DNAH14: variants seen among roughly 807,000 people sequenced by gnomAD.
DNAH14 encodes the protein dynein axonemal heavy chain 14, also known as axonemal beta dynein heavy chain 14.
In DNAH14, 478 loss-of-function variants were observed where a neutral mutation model predicts 520.9. That is an observed-to-expected ratio of 0.92 (90% CI 0.85 to 0.99). The LOEUF (loss-of-function observed/expected upper bound fraction) is 0.99. Among genes scored for constraint, DNAH14 ranks in the 50% least tolerant of loss-of-function variants. The probability of loss-of-function intolerance (pLI) is 0.00; values close to 1 mark genes in which losing one functional copy is unlikely to be tolerated. For missense variants in DNAH14, 4,831 were observed against 5,234.5 expected (o/e 0.92, Z 2.38); for synonymous variants, 1,581 against 1,757.2 (o/e 0.90, Z 2.51).
At position 225,097,230 on chromosome 1, in the gene DNAH14, A is replaced by G. The variant is rs1181167740; in HGVS notation, c.3686A>G (p.Glu1229Gly). The G allele has an allele frequency of 6.5e-6, 10 of 1,550,010 alleles. No individual in the cohort carries two copies. The highest frequency in any genetic ancestry group is 1.4e-5 in the African/African-American group (1 of 73,000). Residue 1229 changes from glutamate to glycine, a missense_variant, in exon 22 of 86, where the codon GAA becomes GGA. Coordinates refer to ENST00000682510, the MANE Select transcript of DNAH14 (RefSeq NM_001367479.1). ...CTTGAACCAGTCTTTCATTCTTCAGAAATACGAAGGTAAAATACCTAAAAT... is the reference window on the plus strand; with the variant it reads ...CTTGAACCAGTCTTTCATTCTTCAGGAATACGAAGGTAAAATACCTAAAAT... ...LYLEPVFHSS[E>G]IRRQLPAETE...
intron 43 of DNAH14, among the ~76,000 whole-genome samples, chr1:225,246,589 A>C (rs1313598589): frequency 6.6e-6 from 1 of 152,246 alleles, no homozygotes; most frequent in Non-Finnish European, 1.5e-5. Flanking sequence ...GACACTTCTC[A>C]AAAGAAGACA....
At chr1:225,160,394 T>C (rs2081400145) in intron 35 of DNAH14, among the ~76,000 whole-genome samples, 1 of 152,198 alleles carries the variant, frequency 6.6e-6, no homozygotes, top group Non-Finnish European at 1.5e-5. Context: ...GCTATGTACA[T>C]AACTTTATAC....
At chr1:225,010,351 A>T (rs1161215101) in intron 10 of DNAH14, among the ~76,000 whole-genome samples, 1 of 152,168 alleles carries the variant, frequency 6.6e-6, no homozygotes, top group East Asian at 1.9e-4. Flanking sequence ...TATTGAGATA[A>T]TCATGTGGAT....
intron 81 of DNAH14, among the ~76,000 whole-genome samples, chr1:225,383,246 C>T (rs1245092882): frequency 6.6e-6 from 1 of 152,092 alleles, no homozygotes; most frequent in African/African-American, 2.4e-5. Context: ...AACATGAAGA[C>T]AGACGAGAGG....
chr1:225,041,518 C>T (rs1025199247), intron 12 of DNAH14, among the ~76,000 whole-genome samples: 5 of 152,188 alleles, frequency 3.3e-5, no homozygotes, highest in Non-Finnish European at 5.9e-5. Context: ...CATATTATAA[C>T]GATGTGCACA....
At chr1:225,006,399 CAG>C (rs1439854517) in intron 9 of DNAH14, among the ~76,000 whole-genome samples, 1 of 152,120 alleles carries the variant, frequency 6.6e-6, no homozygotes, top group Non-Finnish European at 1.5e-5. Context: ...CCGGGCAGAA[CAG>C]AGTCATATTT....
chr1:225,276,557 ATC>A (rs768794416), intron 53 of DNAH14, among the ~76,000 whole-genome samples: 4 of 152,168 alleles, frequency 2.6e-5, no homozygotes, highest in Non-Finnish European at 5.9e-5. Context: ...AATTTTCTGC[ATC>A]TCTTTCTCCT....
chr1:225,334,434 T>C (rs2094869154), intron 66 of DNAH14, among the ~76,000 whole-genome samples: 1 of 152,014 alleles, frequency 6.6e-6, no homozygotes, highest in Non-Finnish European at 1.5e-5. Context: ...AGATCAAGGC[T>C]GCAGTGAGCT....
intron 37 of DNAH14, among the ~76,000 whole-genome samples, chr1:225,188,386 T>C (rs1188486169): frequency 6.6e-6 from 1 of 151,948 alleles, no homozygotes; most frequent in Admixed American, 6.6e-5. Flanking sequence ...AAAGATTACA[T>C]TCATATCAGT....
chr1:225,190,899 A>G (rs912371021), intron 37 of DNAH14, among the ~76,000 whole-genome samples: 13 of 152,028 alleles, frequency 8.6e-5, no homozygotes, highest in African/African-American at 2.4e-4. Context: ...TAGCAAACAC[A>G]TAACTACCAA....
intron 1 of DNAH14, among the ~76,000 whole-genome samples, chr1:224,950,765 A>G (rs1014094085): frequency 2.0e-5 from 3 of 152,238 alleles, no homozygotes; most frequent in African/African-American, 7.2e-5. Flanking sequence ...TACACATGAA[A>G]ATTCACAACC....
intron 15 of DNAH14, among the ~76,000 whole-genome samples, chr1:225,049,896 G>A (rs1260128968): frequency 6.6e-6 from 1 of 151,940 alleles, no homozygotes; most frequent in Admixed American, 6.6e-5. Context: ...TTATATCCTT[G>A]TAATGGTATA....
At chr1:225,010,069 T>G (rs1430850511) in intron 10 of DNAH14, among the ~76,000 whole-genome samples, 1 of 152,204 alleles carries the variant, frequency 6.6e-6, no homozygotes, top group Admixed American at 6.5e-5. Context: ...CCTCTCTTCC[T>G]ATTTGAATAC....
chr1:225,156,086 T>A (rs2081013322), intron 34 of DNAH14, among the ~76,000 whole-genome samples: 1 of 152,152 alleles, frequency 6.6e-6, no homozygotes, highest in African/African-American at 2.4e-5. Context: ...GCCTCTGACC[T>A]TATTTCTTAG....
Position 225,322,673 on chromosome 1 carries a change from A to G in DNAH14, c.9345A>G (p.Thr3115=). The change falls in exon 62 of 86, where the codon ACA becomes ACG. Residue 3115 remains threonine, a synonymous_variant. Transcript: ENST00000682510. ...KADVAELRVY[T]RPPFLVLTVM... is the part of the protein sequence containing the mutation. Reference sequence around the variant, plus strand: ...TCATCATCTATTACAGAGTATACACACGGCCTCCCTTCCTTGTACTGACTG... The same window carrying G: ...TCATCATCTATTACAGAGTATACACGCGGCCTCCCTTCCTTGTACTGACTG... 1 of 1,539,348 alleles carries G rather than the reference A, an allele frequency of 6.5e-7. No individual in the cohort carries two copies. The highest frequency in any genetic ancestry group is 1.2e-5 in the South Asian group (1 of 83,084).
At chr1:225,222,517 C>T (rs1037421161) in intron 41 of DNAH14, among the ~76,000 whole-genome samples, 31 of 152,092 alleles carry the variant, frequency 2.0e-4, no homozygotes, top group African/African-American at 7.0e-4. Context: ...AGAGGGTTGC[C>T]GCTGCTGGCT....
At chr1:225,276,762 TTTAA>T (rs2093477785) in intron 53 of DNAH14, among the ~76,000 whole-genome samples, 2 of 150,074 alleles carry the variant, frequency 1.3e-5, no homozygotes, top group East Asian at 4.0e-4. Context: ...CACACAAAAA[TTTAA>T]TTAATCAGGC....
chr1:225,266,680 G>A lies in DNAH14; in HGVS notation c.7450G>A (p.Asp2484Asn). The change falls in exon 49 of 86, where the codon GAT becomes AAT. Residue 2484 changes from aspartate (D) to asparagine (N), a missense_variant. Transcript: ENST00000682510. Reference protein sequence around the residue: ...FIDDMNMPVSDMYGAQPPLEL... With the variant: ...FIDDMNMPVSNMYGAQPPLEL... ...TGATGATATGAATATGCCAGTATCAGATATGTATGGAGCACAGCCACCCCT... is the reference window on the plus strand; with the variant it reads ...TGATGATATGAATATGCCAGTATCAAATATGTATGGAGCACAGCCACCCCT... The A allele has an allele frequency of 6.6e-7, 1 of 1,513,980 alleles. No homozygotes were observed. The highest frequency in any genetic ancestry group is 8.8e-7 in the Non-Finnish European group (1 of 1,136,164). The allele number at this position is 1,513,980 out of a possible 1,614,324, so 93.8% of individuals were successfully genotyped here.
intron 44 of DNAH14, among the ~76,000 whole-genome samples, chr1:225,253,952 G>A (rs2149719761): frequency 1.3e-5 from 2 of 152,224 alleles, no homozygotes; most frequent in South Asian, 4.1e-4. Flanking sequence ...CTCTCTTGTA[G>A]AGCAGTGTGG....
Sources: gnomAD v4.1 joint callset for allele counts (sites outside exome capture counted in the v4.1 genomes callset) on GRCh38, gnomAD v4.1.1 for gene constraint, MANE v1.5 for transcripts, NCBI Gene and HGNC (gene_info 2026-07-23, HGNC 2026-07-21) for gene names.